Variants in SGCZ observed in about 807,000 individuals in gnomAD.
SGCZ encodes zeta-sarcoglycan.
In SGCZ, 40 loss-of-function variants were observed where a neutral mutation model predicts 41.3. The observed-to-expected ratio is 0.97, with a 90% CI of 0.75 to 1.26. The LOEUF (loss-of-function observed/expected upper bound fraction) is 1.26, where lower values mean the gene tolerates loss of function less well. Ranked by LOEUF, SGCZ falls within the 50% of genes most tolerant of loss-of-function variation. The probability of loss-of-function intolerance (pLI) is 0.00; values close to 1 mark genes in which losing one functional copy is unlikely to be tolerated. For synonymous variants in SGCZ, 206 were observed against 137.5 expected (o/e 1.50, Z -3.49); for missense variants, 552 against 369.8 (o/e 1.49, Z -4.04).
chr8:14,241,187 T>C (rs1232402663), intron 3 of SGCZ, among the ~76,000 whole-genome samples: 1 of 152,046 alleles, frequency 6.6e-6, no homozygotes, highest in Non-Finnish European at 1.5e-5. Flanking sequence ...TTATATCCTT[T>C]ATATTATACT....
chr8:15,145,457 G>C (rs1799011269), intron 1 of SGCZ, among the ~76,000 whole-genome samples: 1 of 152,110 alleles, frequency 6.6e-6, no homozygotes, highest in African/African-American at 2.4e-5. Context: ...AAGCCACTTA[G>C]TATCTCGGAA....
At chr8:14,950,275 G>A (rs1800590209) in intron 1 of SGCZ, among the ~76,000 whole-genome samples, 1 of 151,984 alleles carries the variant, frequency 6.6e-6, no homozygotes, top group Non-Finnish European at 1.5e-5. Flanking sequence ...ACCAAATGAT[G>A]AAGTTCTGTA....
chr8:14,105,983 G>A (rs1802191234), intron 6 of SGCZ, among the ~76,000 whole-genome samples: 1 of 152,022 alleles, frequency 6.6e-6, no homozygotes, highest in African/African-American at 2.4e-5. Context: ...GAATAAATTG[G>A]TAAACAGCTG....
intron 5 of SGCZ, among the ~76,000 whole-genome samples, chr8:14,123,564 ACC>A: frequency 6.6e-6 from 1 of 152,182 alleles, no homozygotes. Context: ...CATGACCAAG[ACC>A]TATATACTCC....
intron 1 of SGCZ, among the ~76,000 whole-genome samples, chr8:15,213,857 G>A (rs566572255): frequency 6.6e-6 from 1 of 151,846 alleles, no homozygotes; most frequent in South Asian, 2.1e-4. Context: ...TTTCCCATAG[G>A]ACCATATTTC....
chr8:14,440,418 G>A (rs1008136991), intron 2 of SGCZ, among the ~76,000 whole-genome samples: 2 of 151,996 alleles, frequency 1.3e-5, no homozygotes, highest in Admixed American at 6.6e-5. Flanking sequence ...ATTACATTTT[G>A]TCACACTTTT....
At chr8:14,630,689 G>T (rs538803320) in intron 1 of SGCZ, among the ~76,000 whole-genome samples, 2 of 131,536 alleles carry the variant, frequency 1.5e-5, no homozygotes, top group African/African-American at 2.7e-5. Context: ...ATACTATGCA[G>T]CCATAAAAAA....
chr8:14,782,134 T>G (rs1800609284), intron 1 of SGCZ, among the ~76,000 whole-genome samples: 1 of 152,146 alleles, frequency 6.6e-6, no homozygotes, highest in Non-Finnish European at 1.5e-5. Context: ...GTCTATAAAA[T>G]GAAAAAATTG....
chr8:14,687,280 G>A (rs1449990013), intron 1 of SGCZ, among the ~76,000 whole-genome samples: 3 of 150,544 alleles, frequency 2.0e-5, no homozygotes, highest in Non-Finnish European at 4.4e-5. Context: ...TGCCATGTTG[G>A]TGTGCTGCAC....
intron 2 of SGCZ, among the ~76,000 whole-genome samples, chr8:14,428,753 G>A (rs1296269167): frequency 6.6e-6 from 1 of 152,154 alleles, no homozygotes; most frequent in Non-Finnish European, 1.5e-5. Context: ...CATACATAGA[G>A]GAAGCTTGTT....
chr8:15,096,623 G>A (rs1242060317), intron 1 of SGCZ, among the ~76,000 whole-genome samples: 3 of 152,020 alleles, frequency 2.0e-5, no homozygotes, highest in African/African-American at 4.8e-5. Context: ...AGATAAAAAC[G>A]AATGAAATAT....
intron 2 of SGCZ, among the ~76,000 whole-genome samples, chr8:14,359,602 G>A (rs1803430177): frequency 6.6e-6 from 1 of 151,402 alleles, no homozygotes; most frequent in Admixed American, 6.6e-5. Context: ...AAACATATAG[G>A]AATTAAACAA....
intron 1 of SGCZ, among the ~76,000 whole-genome samples, chr8:14,692,077 T>G (rs897346497): frequency 6.6e-6 from 1 of 152,060 alleles, no homozygotes; most frequent in Non-Finnish European, 1.5e-5. Flanking sequence ...CATATTCTAC[T>G]ATTTTTAGTC....
At chr8:14,776,402 C>T (rs1028510840) in intron 1 of SGCZ, among the ~76,000 whole-genome samples, 4 of 152,136 alleles carry the variant, frequency 2.6e-5, no homozygotes, top group African/African-American at 9.7e-5. Context: ...CTTTGCTTCC[C>T]CTCTGCCTTC....
At chr8:14,719,027 CA>C (rs1809794320) in intron 1 of SGCZ, among the ~76,000 whole-genome samples, 1 of 128,376 alleles carries the variant, frequency 7.8e-6, no homozygotes, top group Non-Finnish European at 1.6e-5. Flanking sequence ...CAACAGTCCC[CA>C]GAGTGTGATG....
At chr8:14,405,091 T>G (rs1799175439) in intron 2 of SGCZ, among the ~76,000 whole-genome samples, 1 of 152,144 alleles carries the variant, frequency 6.6e-6, no homozygotes, top group Admixed American at 6.6e-5. Flanking sequence ...GCTAACTACT[T>G]TCCTTCTCCC....
At chr8:14,966,604 C>A in intron 1 of SGCZ, among the ~76,000 whole-genome samples, 1 of 151,910 alleles carries the variant, frequency 6.6e-6, no homozygotes, top group East Asian at 1.9e-4. Flanking sequence ...TTACTAATTT[C>A]CATTTAGAAA....
chr8:14,648,637 A>G (rs1244901044), intron 1 of SGCZ, among the ~76,000 whole-genome samples: 1 of 152,068 alleles, frequency 6.6e-6, no homozygotes, highest in Non-Finnish European at 1.5e-5. Flanking sequence ...TAATTTCTTT[A>G]AATTTCTCTG....
At chr8:14,822,822 CA>C (rs1355657607) in intron 1 of SGCZ, among the ~76,000 whole-genome samples, 1 of 151,782 alleles carries the variant, frequency 6.6e-6, no homozygotes, top group Non-Finnish European at 1.5e-5. Context: ...AAAGTAAACT[CA>C]AAATGAATTC....
Sources: allele counts gnomAD v4.1 joint callset (sites outside exome capture counted in the v4.1 genomes callset), GRCh38; gene constraint gnomAD v4.1.1; transcripts MANE v1.5; gene names NCBI Gene and HGNC (gene_info 2026-07-23, HGNC 2026-07-21).